Variants in PPP1R13B observed in about 807,000 individuals in gnomAD.
PPP1R13B encodes apoptosis-stimulating of p53 protein 1.
In PPP1R13B, 44 loss-of-function variants were observed where a neutral mutation model predicts 119.8. The observed-to-expected ratio is 0.37, with a 90% CI of 0.29 to 0.47. PPP1R13B has a LOEUF of 0.47. Among genes scored for constraint, PPP1R13B ranks in the 20% least tolerant of loss-of-function variants. The pLI is 0.99. For synonymous variants in PPP1R13B, 542 were observed against 561.5 expected (o/e 0.97, Z 0.49); for missense variants, 1,227 against 1,413.5 (o/e 0.87, Z 2.12).
chr14:103,740,655 C>G lies in PPP1R13B; in HGVS notation c.1823-62G>C. The G allele has an allele frequency of 7.5e-7, 1 of 1,341,746 alleles. No homozygotes were observed. The highest frequency in any genetic ancestry group is 9.8e-7 in the Non-Finnish European group (1 of 1,020,974). The allele number at this position is 1,341,746 out of a possible 1,614,324, so 83.1% of individuals were successfully genotyped here. A position where few individuals can be genotyped will look rare whatever the true frequency, so the allele number is the denominator to read the frequency against. On this transcript the variant is annotated intron_variant, in intron 11 of 16. Coordinates refer to ENST00000202556, the MANE Select transcript of PPP1R13B (RefSeq NM_015316.3). This position sits in a 1 kb window ranked among gnomAD's most constrained non-coding sequence, Gnocchi z 4.6. ...ACTACAGAGATCTAGTCATACACAC[C>G]TATGATTACACCAGAGACAGGCTCC...
chr14:103,736,432 C>T, intron 15 of PPP1R13B: 1 of 589,652 alleles, frequency 1.7e-6, no homozygotes, highest in South Asian at 2.0e-5. Flanking sequence ...TCCTGCAGGA[C>T]AGACAGGACA....
intron 1 of PPP1R13B, among the ~76,000 whole-genome samples, chr14:103,801,182 T>C (rs1409357545): frequency 6.6e-6 from 1 of 152,158 alleles, no homozygotes; most frequent in Non-Finnish European, 1.5e-5. Context: ...CAAATAAAGT[T>C]ATTCCCTTGC....
At chr14:103,844,298 T>A (rs1178912708) in intron 1 of PPP1R13B, among the ~76,000 whole-genome samples, 1 of 150,646 alleles carries the variant, frequency 6.6e-6, no homozygotes, top group African/African-American at 2.4e-5. Flanking sequence ...AGGTGGAAAG[T>A]CACAGCACTT....
chr14:103,740,624 G>A lies in PPP1R13B; in HGVS notation c.1823-31C>T. 6.7e-7 allele frequency: 1 copy of A among 1,483,362 alleles called. No homozygotes were observed. Among genetic ancestry groups the A allele is most frequent in the East Asian group, 2.3e-5 (1 of 43,602 alleles). The allele number at this position is 1,483,362 out of a possible 1,614,324, so 91.9% of individuals were successfully genotyped here. On this transcript the variant is annotated intron_variant, in intron 11 of 16. Transcript: ENST00000202556. This position sits in a 1 kb window ranked among gnomAD's most constrained non-coding sequence, Gnocchi z 4.6. ...GAAGACACAAAGGACAGGCAATTTT[G>A]ACCTCACTACAGAGATCTAGTCATA...
At chr14:103,750,073 T>C in intron 7 of PPP1R13B, 139 bp from the exon 8 acceptor site, 1 of 879,036 alleles carries the variant, frequency 1.1e-6, no homozygotes, top group South Asian at 1.7e-5. Context: ...TTGTGTGGAA[T>C]ATTTCACAGG....
At chr14:103,798,369 G>A (rs1048489243) in intron 1 of PPP1R13B, among the ~76,000 whole-genome samples, 1 of 151,842 alleles carries the variant, frequency 6.6e-6, no homozygotes, top group Non-Finnish European at 1.5e-5. Flanking sequence ...AGCCAGGATG[G>A]TCTCGATCTC....
At chr14:103,787,320 A>G (rs1287941761) in intron 2 of PPP1R13B, among the ~76,000 whole-genome samples, 1 of 151,856 alleles carries the variant, frequency 6.6e-6, no homozygotes, top group Non-Finnish European at 1.5e-5. Flanking sequence ...ATGGTGGCGC[A>G]TGCCTGTGGT....
intron 1 of PPP1R13B, among the ~76,000 whole-genome samples, chr14:103,825,417 CTA>C (rs1311457933): frequency 1.3e-5 from 2 of 152,158 alleles, no homozygotes; most frequent in African/African-American, 4.8e-5. Flanking sequence ...AGGCTGAAAG[CTA>C]TGTCTCTTGC....
At chr14:103,797,038 A>G (rs1054687375) in intron 2 of PPP1R13B, among the ~76,000 whole-genome samples, 7 of 151,614 alleles carry the variant, frequency 4.6e-5, no homozygotes, top group African/African-American at 9.7e-5. Context: ...AAAAAAAAAA[A>G]AGAGAGACAG....
At chr14:103,750,956 C>T (rs572613618) in intron 7 of PPP1R13B, among the ~76,000 whole-genome samples, 2 of 152,004 alleles carry the variant, frequency 1.3e-5, no homozygotes, top group East Asian at 1.9e-4. Context: ...GAGTTCGAGA[C>T]CAGCCTGGCC....
At chr14:103,800,945 G>T (rs376713313) in intron 1 of PPP1R13B, among the ~76,000 whole-genome samples, 23 of 152,098 alleles carry the variant, frequency 1.5e-4, no homozygotes, top group African/African-American at 5.1e-4. Context: ...CCGCCTCCTG[G>T]GTTCAAGCGA....
At chr14:103,796,604 T>C (rs2085763094) in intron 2 of PPP1R13B, among the ~76,000 whole-genome samples, 1 of 152,180 alleles carries the variant, frequency 6.6e-6, no homozygotes, top group African/African-American at 2.4e-5. Flanking sequence ...AATTACCATA[T>C]GACCCAGAGA....
chr14:103,737,080 T>G (rs1272822455), intron 15 of PPP1R13B: 1 of 152,132 alleles, frequency 6.6e-6, no homozygotes, highest in Admixed American at 6.5e-5. Context: ...TGGCCCTGCT[T>G]CCAGAAGCAA....
In PPP1R13B at chr14:103,736,153, C is replaced by G. The variant is rs889287499; in HGVS notation, c.3081G>C (p.Leu1027=). ...CACTGTTCTGGGCCTCGTAGTCCCA[C>G]AGAGCATACGCCACACCTTTGTTCA... is the stretch of plus-strand genomic sequence containing the variant. ...GVMNKGVAYA[L]WDYEAQNSDE... The change falls in exon 16 of 17, where the codon CTG becomes CTC. Residue 1027 remains leucine (L), a synonymous_variant. Coordinates refer to ENST00000202556, the MANE Select transcript of PPP1R13B (RefSeq NM_015316.3). The G allele has an allele frequency of 6.2e-7, 1 of 1,614,118 alleles. No homozygotes were observed. The highest frequency in any genetic ancestry group is 1.3e-5 in the African/African-American group (1 of 74,934).
intron 4 of PPP1R13B, among the ~76,000 whole-genome samples, chr14:103,765,130 C>G: frequency 6.6e-6 from 1 of 152,198 alleles, no homozygotes; most frequent in East Asian, 1.9e-4. Context: ...CACAGCTGTT[C>G]TATAGCCTGT....
intron 4 of PPP1R13B, among the ~76,000 whole-genome samples, chr14:103,769,461 A>C (rs2085014536): frequency 6.6e-6 from 1 of 152,044 alleles, no homozygotes; most frequent in Non-Finnish European, 1.5e-5. Context: ...GCTGGTCTCA[A>C]ACTCCTAGTC....
Position 103,741,815 on chromosome 14 carries a change from G to C in PPP1R13B, c.1797C>G (p.Ser599Arg). ...PPKNYQPAAH[S>R]ALNKSVKAVY... ...CTGCTTTAACTGACTTATTTAAGGC[G>C]CTGTGTGCTGCCGGCTGGTAATTCT... The change falls in exon 11 of 17, where the codon AGC (serine) becomes AGG (arginine). Residue 599 changes from serine (S) to arginine (R), a missense_variant. Physicochemically the swap from Ser to Arg is moderately radical, Grantham distance 110 (BLOSUM62 -1). Transcript: ENST00000202556. 1 of 1,614,192 alleles carries C rather than the reference G, an allele frequency of 6.2e-7. No homozygotes were observed. Among genetic ancestry groups the C allele is most frequent in the South Asian group, 1.1e-5 (1 of 91,070 alleles).
At chr14:103,782,612 C>T (rs1051591240) in intron 3 of PPP1R13B, among the ~76,000 whole-genome samples, 1 of 152,202 alleles carries the variant, frequency 6.6e-6, no homozygotes, top group African/African-American at 2.4e-5. Context: ...GCCTGTTTCT[C>T]AGAGTCCTTG....
chr14:103,735,755 G>A (rs575966532), intron 16 of PPP1R13B, among the ~76,000 whole-genome samples: 11 of 152,314 alleles, frequency 7.2e-5, no homozygotes, highest in Admixed American at 2.0e-4. Context: ...AGCTCATTGA[G>A]CGGCCCCTCA....
Sources: gnomAD v4.1 joint callset for allele counts (sites outside exome capture counted in the v4.1 genomes callset) on GRCh38, gnomAD v4.1.1 for gene constraint, Gnocchi (gnomAD v3.1) non-coding constraint, MANE v1.5 for transcripts, NCBI Gene and HGNC (gene_info 2026-07-23, HGNC 2026-07-21) for gene names.